Variants in GULP1 observed in about 807,000 individuals in gnomAD.
GULP1 encodes PTB domain-containing engulfment adapter protein 1.
Under a neutral mutation model 40.9 loss-of-function variants are expected in GULP1, and 19 were observed. That is an observed-to-expected ratio of 0.46 (90% CI 0.32 to 0.68). The LOEUF (loss-of-function observed/expected upper bound fraction) is 0.68, where lower values mean the gene tolerates loss of function less well. Ranked by LOEUF, GULP1 falls within the 30% of genes least tolerant of loss-of-function variation. The pLI, the probability that GULP1 is intolerant of heterozygous loss-of-function variation, is 0.03. For missense variants in GULP1, 312 were observed against 362.2 expected (o/e 0.86, Z 1.12); for synonymous variants, 119 against 117.6 (o/e 1.01, Z -0.08).
Position 188,382,891 on chromosome 2 carries a change from A to G in GULP1, c.-171-872A>G, listed in dbSNP as rs185210105. On this transcript the variant is annotated intron_variant, in intron 1 of 11. Coordinates refer to ENST00000409830, the MANE Select transcript of GULP1 (RefSeq NM_016315.4). ...GGCTTTCAAAGTATTCAGATGGCTTAGATTGAAACACAGAGGAAGAGATAA... is the reference window on the plus strand; with the variant it reads ...GGCTTTCAAAGTATTCAGATGGCTTGGATTGAAACACAGAGGAAGAGATAA... 2.0e-3 allele frequency among the ~76,000 whole-genome samples: 299 copies of G among 152,314 alleles called. 1 individual carries two copies. Among genetic ancestry groups the G allele is most frequent in the Non-Finnish European group, 3.2e-3 (221 of 68,040 alleles).
At chr2:188,572,524 C>T (rs1699273681) in intron 9 of GULP1, among the ~76,000 whole-genome samples, 1 of 152,062 alleles carries the variant, frequency 6.6e-6, no homozygotes, top group Non-Finnish European at 1.5e-5. Flanking sequence ...TTTATTGTAT[C>T]CTTGATCATT....
At chr2:188,432,616 A>G (rs1282373820) in intron 2 of GULP1, among the ~76,000 whole-genome samples, 1 of 152,100 alleles carries the variant, frequency 6.6e-6, no homozygotes, top group African/African-American at 2.4e-5. Context: ...TGGACACCTC[A>G]TAATATCTAG....
chr2:188,498,727 T>C (rs2063138495), intron 4 of GULP1, among the ~76,000 whole-genome samples: 1 of 151,504 alleles, frequency 6.6e-6, no homozygotes, highest in African/African-American at 2.4e-5. Context: ...AGAAGGAGGA[T>C]ATTGAATGTT....
intron 2 of GULP1, among the ~76,000 whole-genome samples, chr2:188,425,053 G>A (rs6727850): frequency 0.21 from 32,526 of 151,762 alleles, 3,665 homozygotes; most frequent in African/African-American, 0.27. Flanking sequence ...TGACTTTACT[G>A]ATTTTTCAGG....
intron 2 of GULP1, among the ~76,000 whole-genome samples, chr2:188,425,317 ATAT>A (rs1384981260): frequency 3.3e-5 from 5 of 152,108 alleles, no homozygotes; most frequent in African/African-American, 9.7e-5. Context: ...CATACTTGAC[ATAT>A]TTCAACCTGT....
At chr2:188,319,169 G>A (rs1048626302) in intron 1 of GULP1, among the ~76,000 whole-genome samples, 1 of 152,098 alleles carries the variant, frequency 6.6e-6, no homozygotes, top group Admixed American at 6.6e-5. Flanking sequence ...ATGTTAATAA[G>A]CTATAGCAGA....
intron 9 of GULP1, among the ~76,000 whole-genome samples, chr2:188,583,412 C>G (rs1026708161): frequency 1.3e-5 from 2 of 152,114 alleles, no homozygotes; most frequent in Non-Finnish European, 2.9e-5. Flanking sequence ...AATTTTTCGC[C>G]ACTATTCCCC....
intron 11 of GULP1, chr2:188,588,729 GAGA>G (rs1172003487): frequency 1.3e-5 from 2 of 152,042 alleles, no homozygotes; most frequent in African/African-American, 4.8e-5. Context: ...CTAAAGTAAG[GAGA>G]AGGAGGTATT....
intron 2 of GULP1, among the ~76,000 whole-genome samples, chr2:188,444,493 T>C (rs556229738): frequency 3.8e-4 from 58 of 152,350 alleles, no homozygotes; most frequent in African/African-American, 1.2e-3. Flanking sequence ...CAATATCTAA[T>C]ATTATCTCTC....
At chr2:188,298,362 ATAAT>A (rs1190463448) in intron 1 of GULP1, among the ~76,000 whole-genome samples, 1 of 150,870 alleles carries the variant, frequency 6.6e-6, no homozygotes, top group East Asian at 1.9e-4. Context: ...TTAATTAAAT[ATAAT>A]TAGAGGGTGT....
At chr2:188,412,655 C>T (rs1385309922) in intron 2 of GULP1, among the ~76,000 whole-genome samples, 5 of 152,178 alleles carry the variant, frequency 3.3e-5, no homozygotes, top group Non-Finnish European at 7.3e-5. Context: ...CTTTTATCCA[C>T]TTCCCTTGAG....
intron 2 of GULP1, among the ~76,000 whole-genome samples, chr2:188,392,544 C>A (rs2050669545): frequency 6.6e-6 from 1 of 151,696 alleles, no homozygotes; most frequent in African/African-American, 2.4e-5. Context: ...TTCAGAGAAC[C>A]AGCTTTTTGT....
intron 4 of GULP1, among the ~76,000 whole-genome samples, chr2:188,514,978 T>A (rs1243449796): frequency 6.6e-6 from 1 of 152,228 alleles, no homozygotes; most frequent in African/African-American, 2.4e-5. Context: ...TTGTTTCTGA[T>A]TTTGAGCTAT....
At chr2:188,539,495 A>G (rs959579005) in intron 6 of GULP1, among the ~76,000 whole-genome samples, 15 of 152,262 alleles carry the variant, frequency 9.9e-5, no homozygotes, top group East Asian at 9.7e-4. Context: ...TGCTTTCTGT[A>G]TAAGAAAGGA....
chr2:188,311,914 T>C (rs1478472127), intron 1 of GULP1, among the ~76,000 whole-genome samples: 1 of 149,042 alleles, frequency 6.7e-6, no homozygotes, highest in Non-Finnish European at 1.5e-5. Context: ...AATACACATA[T>C]ACCTTGAATA....
At chr2:188,478,397 A>G (rs1559288007) in intron 3 of GULP1, among the ~76,000 whole-genome samples, 1 of 152,118 alleles carries the variant, frequency 6.6e-6, no homozygotes, top group Non-Finnish European at 1.5e-5. Context: ...AGGTCAGTGA[A>G]GTTTAAATAA....
intron 1 of GULP1, among the ~76,000 whole-genome samples, chr2:188,352,748 C>T (rs946772894): frequency 4.6e-5 from 7 of 151,768 alleles, no homozygotes; most frequent in African/African-American, 9.7e-5. Context: ...AATTTGAATA[C>T]ATATCTTCAG....
chr2:188,509,330 A>G (rs533259491), intron 4 of GULP1, among the ~76,000 whole-genome samples: 9 of 152,112 alleles, frequency 5.9e-5, no homozygotes, highest in Non-Finnish European at 1.3e-4. Context: ...TAAACCTGGA[A>G]GGTAAAACAG....
chr2:188,305,404 A>G (rs72905599), intron 1 of GULP1, among the ~76,000 whole-genome samples: 21,680 of 152,174 alleles, frequency 0.14, 2,001 homozygotes, highest in South Asian at 0.26. Flanking sequence ...AAAGCACATG[A>G]TCTAAACCCA....
Sources: allele counts gnomAD v4.1 joint callset (sites outside exome capture counted in the v4.1 genomes callset), GRCh38; gene constraint gnomAD v4.1.1; transcripts MANE v1.5; gene names NCBI Gene and HGNC (gene_info 2026-07-23, HGNC 2026-07-21).